Variants in DLG2 observed in about 807,000 individuals in gnomAD.
The protein encoded by DLG2 is disks large homolog 2.
A neutral mutation model predicts 132.5 loss-of-function variants in DLG2; 45 were observed. That is an observed-to-expected ratio of 0.34 (90% confidence interval 0.27 to 0.44). The LOEUF (loss-of-function observed/expected upper bound fraction) is 0.44. Among genes scored for constraint, DLG2 ranks in the 20% least tolerant of loss-of-function variants. The pLI is 1.00. For missense variants in DLG2, 1,045 were observed against 1,196.9 expected, an observed-to-expected ratio of 0.87 and a Z score of 1.87; for synonymous variants, 424 against 419.6, an observed-to-expected ratio of 1.01 and a Z score of -0.13.
intron 2 of DLG2, among the ~76,000 whole-genome samples, chr11:85,599,464 G>A (rs1045569062): frequency 6.6e-6 from 1 of 151,890 alleles, no homozygotes; most frequent in Non-Finnish European, 1.5e-5. Context: ...TAGAATCAGC[G>A]TGCTATCTTG....
intron 4 of DLG2, among the ~76,000 whole-genome samples, chr11:85,156,323 A>G (rs887008066): frequency 1.3e-5 from 2 of 152,196 alleles, no homozygotes; most frequent in African/African-American, 4.8e-5. Flanking sequence ...TTGTAAGACA[A>G]GCAGGATATC....
chr11:84,677,191 T>C (rs17147497), intron 6 of DLG2, among the ~76,000 whole-genome samples: 2,374 of 152,232 alleles, frequency 0.016, 41 homozygotes, highest in African/African-American at 0.041. Flanking sequence ...GTAGATTGTA[T>C]GAAGGTGGGA....
At chr11:83,543,857 T>C (rs1255645042) in intron 19 of DLG2, among the ~76,000 whole-genome samples, 1 of 152,148 alleles carries the variant, frequency 6.6e-6, no homozygotes, top group East Asian at 1.9e-4. Flanking sequence ...CTTGTAAGGG[T>C]GGCCCTTGGC....
intron 6 of DLG2, among the ~76,000 whole-genome samples, chr11:85,052,224 A>C (rs1166167149): frequency 1.3e-5 from 2 of 152,196 alleles, no homozygotes; most frequent in Non-Finnish European, 2.9e-5. Context: ...TCAGACGAGC[A>C]TGGGAAAGTT....
At chr11:84,469,647 C>A (rs1602687243) in intron 7 of DLG2, among the ~76,000 whole-genome samples, 1 of 151,682 alleles carries the variant, frequency 6.6e-6, no homozygotes. Context: ...GATTTTCTAA[C>A]TTATCTTCCT....
intron 4 of DLG2, among the ~76,000 whole-genome samples, chr11:85,155,347 G>A (rs976808871): frequency 3.3e-5 from 5 of 152,166 alleles, no homozygotes; most frequent in Admixed American, 2.0e-4. Flanking sequence ...TCTTTTGGCA[G>A]CATCGATGAA....
chr11:84,506,287 G>T (rs976987878), intron 7 of DLG2, among the ~76,000 whole-genome samples: 9 of 151,562 alleles, frequency 5.9e-5, no homozygotes, highest in African/African-American at 1.9e-4. Context: ...GTTTTAGCCG[G>T]GATGGTCTCG....
chr11:84,732,613 T>C (rs949468577), intron 6 of DLG2, among the ~76,000 whole-genome samples: 4 of 151,754 alleles, frequency 2.6e-5, no homozygotes, highest in African/African-American at 4.8e-5. Context: ...GTTAGTTTCT[T>C]CTTAAGTTTT....
At chr11:84,947,924 T>G (rs928757295) in intron 6 of DLG2, among the ~76,000 whole-genome samples, 2 of 152,210 alleles carry the variant, frequency 1.3e-5, no homozygotes, top group Non-Finnish European at 2.9e-5. Context: ...AAACTGTTAT[T>G]AAATAACTTG....
intron 7 of DLG2, among the ~76,000 whole-genome samples, chr11:84,520,379 T>G (rs974168594): frequency 5.3e-5 from 8 of 152,140 alleles, no homozygotes; most frequent in South Asian, 4.2e-4. Context: ...TTTACCCCTC[T>G]CTGGAAGCAC....
chr11:85,600,305 T>A (rs932958623), intron 2 of DLG2, among the ~76,000 whole-genome samples: 9 of 152,236 alleles, frequency 5.9e-5, no homozygotes, highest in African/African-American at 2.2e-4. Context: ...ATCCCATCAT[T>A]ACTAAATCCA....
At chr11:84,909,979 G>C (rs2154076777) in intron 6 of DLG2, among the ~76,000 whole-genome samples, 1 of 152,292 alleles carries the variant, frequency 6.6e-6, no homozygotes, top group South Asian at 2.1e-4. Context: ...CCCTGAAGGA[G>C]GGGATAATGA....
intron 3 of DLG2, among the ~76,000 whole-genome samples, chr11:85,523,676 C>G (rs2074503182): frequency 6.6e-6 from 1 of 152,128 alleles, no homozygotes; most frequent in African/African-American, 2.4e-5. Context: ...TTTGGAGATT[C>G]CTCAAGAAAC....
chr11:83,790,810 C>A, intron 17 of DLG2: 1 of 755,082 alleles, frequency 1.3e-6, no homozygotes, highest in Non-Finnish European at 2.4e-6. Flanking sequence ...CGCCCTCCCA[C>A]TTGAGAAGGA....
chr11:83,518,542 C>T (rs185680708), intron 21 of DLG2, among the ~76,000 whole-genome samples: 55 of 152,266 alleles, frequency 3.6e-4, no homozygotes, highest in African/African-American at 1.2e-3. Flanking sequence ...GCACTGCACC[C>T]GCTATCCGAC....
chr11:84,502,301 T>C (rs1370380737), intron 7 of DLG2, among the ~76,000 whole-genome samples: 2 of 2,304 alleles, frequency 8.7e-4, no homozygotes, highest in African/African-American at 3.9e-3. Context: ...TTTCTTTCTT[T>C]CTTTCTTTCT....
chr11:84,019,021 A>C (rs1566062472), intron 11 of DLG2, among the ~76,000 whole-genome samples: 1 of 152,108 alleles, frequency 6.6e-6, no homozygotes, highest in African/African-American at 2.4e-5. Context: ...ATAGGCATGT[A>C]GAAGTGTTCT....
At chr11:84,890,054 A>G (rs1240749533) in intron 6 of DLG2, among the ~76,000 whole-genome samples, 1 of 152,202 alleles carries the variant, frequency 6.6e-6, no homozygotes, top group Non-Finnish European at 1.5e-5. Context: ...GCTACTTGGC[A>G]TTTCAGGCCA....
At chr11:85,150,010 A>ATTTTTTTTTTTTTTTTT (rs962380618) in intron 5 of DLG2, among the ~76,000 whole-genome samples, 15 of 112,304 alleles carry the variant, frequency 1.3e-4, no homozygotes, top group East Asian at 1.1e-3. Flanking sequence ...TCAGTTTTTA[A>ATTTTTTTTTTTTTTTTT]TTTTTTTTTT....
Sources: gnomAD v4.1 joint callset for allele counts (sites outside exome capture counted in the v4.1 genomes callset) on GRCh38, gnomAD v4.1.1 for gene constraint, MANE v1.5 for transcripts, NCBI Gene and HGNC (gene_info 2026-07-23, HGNC 2026-07-21) for gene names.